Variants in SLC35F3 observed in about 807,000 individuals in gnomAD.
The protein encoded by SLC35F3 is solute carrier family 35 member F3.
Under a neutral mutation model 49.9 loss-of-function variants are expected in SLC35F3, and 25 were observed. That is an observed-to-expected ratio of 0.50 (90% CI 0.37 to 0.70). SLC35F3 has a LOEUF of 0.70. SLC35F3 is among the 30% of genes least tolerant of loss of function. The pLI is 0.00. For missense variants in SLC35F3, 525 were observed against 639.8 expected, an observed-to-expected ratio of 0.82 and a Z score of 1.94; for synonymous variants, 275 against 265.4, an observed-to-expected ratio of 1.04 and a Z score of -0.35.
chr1:234,165,344 A>G (rs770196024), intron 2 of SLC35F3, among the ~76,000 whole-genome samples: 2 of 152,142 alleles, frequency 1.3e-5, no homozygotes, highest in African/African-American at 2.4e-5. Flanking sequence ...TTCAGTCGCT[A>G]TTATGAAGGG....
chr1:234,099,600 C>G (rs1342926837), intron 2 of SLC35F3, among the ~76,000 whole-genome samples: 1 of 129,830 alleles, frequency 7.7e-6, no homozygotes, highest in African/African-American at 2.9e-5. Context: ...CAGAGCGAGA[C>G]TCTGTCTAAA....
chr1:234,180,816 A>G (rs1012691947), intron 2 of SLC35F3, among the ~76,000 whole-genome samples: 2 of 152,202 alleles, frequency 1.3e-5, no homozygotes, highest in African/African-American at 4.8e-5. Context: ...TTTAATTTTT[A>G]TTAATTTAAT....
intron 3 of SLC35F3, among the ~76,000 whole-genome samples, chr1:234,244,806 G>A (rs78104408): frequency 0.099 from 14,973 of 151,998 alleles, 1,006 homozygotes; most frequent in Non-Finnish European, 0.15. Context: ...AGAATTTAGA[G>A]GATTTGTGCA....
rs1168800493 is a variant in SLC35F3, at chr1:234,214,148, G to A, written c.284-17269G>A. The A allele has an allele frequency of 3.8e-6, 4 of 1,062,236 alleles. No homozygotes were observed. The highest frequency in any genetic ancestry group is 1.7e-5 in the African/African-American group (1 of 59,502). The allele number at this position is 1,062,236 out of a possible 1,614,324, so 65.8% of individuals were successfully genotyped here. ...ACAGGGATGAGGGCTGCGGGGCTGG[G>A]CGTCCCGGGGAGGAGGGCGGAGCAG... On this transcript the variant is annotated intron_variant, in intron 2 of 7. Coordinates refer to ENST00000366618, the MANE Select transcript of SLC35F3 (RefSeq NM_173508.4). This position sits in a 1 kb window ranked among gnomAD's most constrained non-coding sequence, Gnocchi z 8.0.
chr1:234,047,671 T>TCATACA (rs1432535307), intron 2 of SLC35F3, among the ~76,000 whole-genome samples: 1 of 148,564 alleles, frequency 6.7e-6, no homozygotes, highest in Non-Finnish European at 1.5e-5. Context: ...TTATAAGAAA[T>TCATACA]CATACACATA....
At chr1:233,976,229 G>A (rs945568595) in intron 2 of SLC35F3, among the ~76,000 whole-genome samples, 3 of 152,124 alleles carry the variant, frequency 2.0e-5, no homozygotes, top group African/African-American at 4.8e-5. Flanking sequence ...AAAATTTTAA[G>A]ATGGCATGAA....
At chr1:234,076,487 A>T (rs546553465) in intron 2 of SLC35F3, among the ~76,000 whole-genome samples, 6 of 150,156 alleles carry the variant, frequency 4.0e-5, no homozygotes, top group Admixed American at 2.0e-4. Flanking sequence ...TTGGAGATGG[A>T]GTCTCACTCT....
At chr1:233,996,619 G>A (rs1165847108) in intron 2 of SLC35F3, among the ~76,000 whole-genome samples, 2 of 152,146 alleles carry the variant, frequency 1.3e-5, no homozygotes, top group Admixed American at 1.3e-4. Context: ...GCCATGGCAA[G>A]GCATTTATTT....
At chr1:234,112,722 ATTTTTTTTTT>A (rs1157248348) in intron 2 of SLC35F3, among the ~76,000 whole-genome samples, 10 of 33,562 alleles carry the variant, frequency 3.0e-4, no homozygotes, top group African/African-American at 8.7e-4. Flanking sequence ...TGCCCAGCTA[ATTTTTTTTTT>A]TTTTTTTTTT....
At chr1:233,915,746 G>A (rs1342820800) in intron 2 of SLC35F3, among the ~76,000 whole-genome samples, 2 of 152,182 alleles carry the variant, frequency 1.3e-5, no homozygotes, top group Non-Finnish European at 2.9e-5. Context: ...GGAGGAGCAA[G>A]TCACATCTTA....
intron 2 of SLC35F3, among the ~76,000 whole-genome samples, chr1:233,926,446 C>T (rs10910311): frequency 7.2e-5 from 11 of 152,256 alleles, no homozygotes; most frequent in South Asian, 4.1e-4. Flanking sequence ...CTTTTGCAAG[C>T]GTCACATAGT....
intron 2 of SLC35F3, among the ~76,000 whole-genome samples, chr1:234,122,794 G>A (rs1344929113): frequency 6.6e-6 from 1 of 152,180 alleles, no homozygotes; most frequent in East Asian, 1.9e-4. Context: ...CAAAGGACAT[G>A]ATCTCATTCT....
At chr1:234,311,569 G>T (rs1657355045) in intron 4 of SLC35F3, among the ~76,000 whole-genome samples, 1 of 152,188 alleles carries the variant, frequency 6.6e-6, no homozygotes, top group African/African-American at 2.4e-5. Flanking sequence ...AAACCACAAG[G>T]GCCATGGTTC....
chr1:234,312,943 C>G (rs1657395427), intron 4 of SLC35F3, among the ~76,000 whole-genome samples: 1 of 152,096 alleles, frequency 6.6e-6, no homozygotes. Flanking sequence ...GTGGTGCTAT[C>G]ATAGCTCACT....
chr1:234,019,979 G>A (rs113733720), intron 2 of SLC35F3, among the ~76,000 whole-genome samples: 21 of 152,262 alleles, frequency 1.4e-4, no homozygotes, highest in African/African-American at 4.8e-4. Flanking sequence ...GTTGCAATGT[G>A]GCCTGATAAC....
chr1:233,924,665 C>T (rs529719969), intron 2 of SLC35F3, among the ~76,000 whole-genome samples: 2 of 152,138 alleles, frequency 1.3e-5, no homozygotes, highest in East Asian at 3.9e-4. Context: ...TATTTCTTGC[C>T]TTCTGCTAGC....
intron 3 of SLC35F3, among the ~76,000 whole-genome samples, chr1:234,255,625 C>T (rs1667809362): frequency 2.0e-5 from 3 of 152,136 alleles, no homozygotes; most frequent in South Asian, 2.1e-4. Context: ...AGACATTGAA[C>T]AACCTTAAAT....
chr1:234,046,574 CTTT>C lies in SLC35F3; in HGVS notation c.283+140820_283+140822del, dbSNP rs1336534379. On this transcript the variant is annotated intron_variant, in intron 2 of 7. Transcript: ENST00000366618. The surrounding 1 kb of genome is among the most constrained non-coding windows in gnomAD (Gnocchi z 4.4). ...TTTATTTGCACTTTGTTTGTGAGGT[CTTT>C]TTTGTTTGTGCAAGTTAATATTTAT... Among the ~76,000 whole-genome samples the C allele has an allele frequency of 6.6e-6, 1 of 151,872 alleles. No individual in the cohort carries two copies. The highest frequency in any genetic ancestry group is 1.5e-5 in the Non-Finnish European group (1 of 67,948).
At chr1:234,302,711 G>T (rs1238843673) in intron 3 of SLC35F3, among the ~76,000 whole-genome samples, 1 of 152,086 alleles carries the variant, frequency 6.6e-6, no homozygotes, top group Non-Finnish European at 1.5e-5. Context: ...ACTTGAGTGG[G>T]TCTTTTCGTC....
Sources: allele counts gnomAD v4.1 joint callset (sites outside exome capture counted in the v4.1 genomes callset), GRCh38; gene constraint gnomAD v4.1.1; non-coding constraint Gnocchi (gnomAD v3.1); transcripts MANE v1.5; gene names NCBI Gene and HGNC (gene_info 2026-07-23, HGNC 2026-07-21).